MAP4K1: variants seen among roughly 807,000 people sequenced by gnomAD.
The protein encoded by MAP4K1 is mitogen-activated protein kinase kinase kinase kinase 1.
MAP4K1 carries 35 observed loss-of-function variants against 122.8 expected under a neutral mutation model. That is an observed-to-expected ratio of 0.29 (90% CI 0.22 to 0.38). The LOEUF (loss-of-function observed/expected upper bound fraction) is 0.38. Ranked by LOEUF, MAP4K1 falls within the 10% of genes least tolerant of loss-of-function variation. The pLI is 1.00. For synonymous variants in MAP4K1, 412 were observed against 421.3 expected (o/e 0.98, Z 0.27); for missense variants, 791 against 1,072.6 (o/e 0.74, Z 3.67).
chr19:38,611,809 T>C (rs550306425), intron 9 of MAP4K1, among the ~76,000 whole-genome samples: 1 of 150,526 alleles, frequency 6.6e-6, no homozygotes, highest in East Asian at 2.0e-4. Flanking sequence ...TTAATTAATT[T>C]AAAAAATGTC....
chr19:38,590,385 AAAAAAAAAAATATATATATATATATAT>A lies in MAP4K1; in HGVS notation c.2397-2595_2397-2569del, dbSNP rs1262688068. ...TGATCTTGGACCAGAAAAAAAAAAA[AAAAAAAAAAATATATATATATATATAT>A]ATATATATATATATATATATATATA... On this transcript the variant is annotated intron_variant, in intron 30 of 30. Coordinates refer to ENST00000396857, the MANE Select transcript of MAP4K1 (RefSeq NM_001042600.3). Among the ~76,000 whole-genome samples, 29 of 78,388 alleles carry A rather than the reference AAAAAAAAAAATATATATATATATATAT, an allele frequency of 3.7e-4. 5 individuals are homozygous for A. Among genetic ancestry groups the A allele is most frequent in the African/African-American group, 1.3e-3 (20 of 14,950 alleles). 51.4% of individuals were successfully genotyped at this position (78,388 alleles called of 152,430 possible).
At chr19:38,614,854 G>A (rs897466960) in intron 4 of MAP4K1, 6 of 175,310 alleles carry the variant, frequency 3.4e-5, no homozygotes, top group Middle Eastern at 2.7e-3. Context: ...CCCAGGAGGT[G>A]GAGGTTGCAA....
intron 22 of MAP4K1, among the ~76,000 whole-genome samples, chr19:38,599,347 CAAAA>C (rs35011527): frequency 5.1e-5 from 2 of 39,476 alleles, no homozygotes; most frequent in African/African-American, 1.6e-4. Context: ...GACTCGGTCT[CAAAA>C]AAAAAAAAAA....
intron 20 of MAP4K1, 48 bp from the exon 21 acceptor site, chr19:38,600,201 C>T: frequency 6.6e-7 from 1 of 1,513,070 alleles, no homozygotes; most frequent in East Asian, 2.3e-5. Context: ...CCTCAGGGAC[C>T]TCCCAGATCC....
intron 8 of MAP4K1, among the ~76,000 whole-genome samples, chr19:38,613,324 C>A (rs200205228): frequency 7.8e-6 from 1 of 129,010 alleles, no homozygotes; most frequent in Admixed American, 7.9e-5. Flanking sequence ...AAAAAAAGAA[C>A]GAAAAAGAAA....
Position 38,600,440 on chromosome 19 carries a change from A to C in MAP4K1, c.1532-287T>G, listed in dbSNP as rs112464560. On this transcript the variant is annotated intron_variant, in intron 20 of 30. Coordinates refer to ENST00000396857, the MANE Select transcript of MAP4K1 (RefSeq NM_001042600.3). Reference sequence around the variant, plus strand: ...ACCCCAACCTTAGACCTGTCCCCCAAAATAGTCCTCTGATTTCCTCCCCTC... The same window carrying C: ...ACCCCAACCTTAGACCTGTCCCCCACAATAGTCCTCTGATTTCCTCCCCTC... Among the ~76,000 whole-genome samples, 196 of 151,954 alleles carry C rather than the reference A, an allele frequency of 1.3e-3. 2 individuals carry two copies. Among genetic ancestry groups the C allele is most frequent in the South Asian group, 0.01 (49 of 4,796 alleles).
At chr19:38,590,373 G>GAAAAAA (rs1164261721) in intron 30 of MAP4K1, among the ~76,000 whole-genome samples, 2 of 18,018 alleles carry the variant, frequency 1.1e-4, no homozygotes, top group Admixed American at 1.1e-3. Context: ...TCTTGGACCA[G>GAAAAAA]AAAAAAAAAA....
At position 38,608,050 on chromosome 19, in the gene MAP4K1, G is replaced by C. The variant is rs1568636894; in HGVS notation, c.1066-17C>G. 6.3e-7 allele frequency: 1 copy of C among 1,587,268 alleles called. No individual in the cohort carries two copies. Among genetic ancestry groups the C allele is most frequent in the East Asian group, 2.2e-5 (1 of 44,578 alleles). On this transcript the variant is annotated splice_polypyrimidine_tract_variant and intron_variant, in intron 14 of 30. Transcript: ENST00000396857. The stretch of plus-strand genomic sequence containing the variant: ...TAGGCGAGCCTGTGGGGTAGGAAAA[G>C]GGTCAGCAGTGGCCTCAGGGAAGCA...
chr19:38,601,862 C>T (rs1164687990), intron 19 of MAP4K1, among the ~76,000 whole-genome samples: 1 of 152,056 alleles, frequency 6.6e-6, no homozygotes, highest in Non-Finnish European at 1.5e-5. Context: ...ACTACAACCT[C>T]TGCTTCCCAA....
At chr19:38,592,683 C>T (rs1038246034) in intron 30 of MAP4K1, among the ~76,000 whole-genome samples, 3 of 151,746 alleles carry the variant, frequency 2.0e-5, no homozygotes, top group South Asian at 4.2e-4. Context: ...TTTGGGAGGC[C>T]GAGGCAGGTG....
Position 38,611,041 on chromosome 19 carries a change from G to A in MAP4K1, c.810+10C>T, listed in dbSNP as rs769549530. The stretch of plus-strand genomic sequence containing the variant: ...TCCTAGGCTGAGGATCTTGGGGAAG[G>A]GAGGGTTACACTGAGCATCTTGGTG... On this transcript the variant is annotated intron_variant, in intron 11 of 30. Coordinates refer to ENST00000396857, the MANE Select transcript of MAP4K1 (RefSeq NM_001042600.3). The A allele has an allele frequency of 1.2e-6, 2 of 1,607,564 alleles. No homozygotes were observed. Among genetic ancestry groups the A allele is most frequent in the East Asian group, 2.2e-5 (1 of 44,790 alleles).
chr19:38,603,407 TATA>T (rs1975221815), intron 19 of MAP4K1, among the ~76,000 whole-genome samples: 1 of 148,950 alleles, frequency 6.7e-6, no homozygotes, highest in Non-Finnish European at 1.5e-5. Flanking sequence ...TGCATATACA[TATA>T]TATACACGTA....
chr19:38,598,678 G>A (rs1236535539), intron 22 of MAP4K1, among the ~76,000 whole-genome samples: 1 of 152,062 alleles, frequency 6.6e-6, no homozygotes, highest in Non-Finnish European at 1.5e-5. Context: ...AGTAAAGTAT[G>A]GAATAAGTTC....
At chr19:38,611,208 C>CCT in intron 10 of MAP4K1, 35 bp downstream of exon 10, 2 of 1,606,832 alleles carry the variant, frequency 1.2e-6, no homozygotes, top group Non-Finnish European at 1.7e-6. Flanking sequence ...CCAGCCCTGC[C>CCT]CTCTCTCACC....
intron 11 of MAP4K1, 22 bp downstream of exon 11, chr19:38,611,029 A>G (rs2287733): frequency 0.17 from 265,434 of 1,594,188 alleles, 28,155 homozygotes; most frequent in Admixed American, 0.38. Flanking sequence ...TAGGCTGAGG[A>G]TCTTGGGGAA....
intron 30 of MAP4K1, among the ~76,000 whole-genome samples, chr19:38,589,910 A>G (rs1272451772): frequency 6.6e-6 from 1 of 151,996 alleles, no homozygotes; most frequent in Non-Finnish European, 1.5e-5. Context: ...CGCGCCTGTC[A>G]TCCCAGCTAC....
At position 38,595,739 on chromosome 19, in the gene MAP4K1, G is replaced by C. The variant is rs1449627675; in HGVS notation, c.2180-10C>G. On this transcript the variant is annotated splice_polypyrimidine_tract_variant and intron_variant, in intron 27 of 30. Coordinates refer to ENST00000396857, the MANE Select transcript of MAP4K1 (RefSeq NM_001042600.3). ...ACCAGCTTCACAGAGCCTGGAAGGAGATAGACGGTTTTAAGAACTGTGAGC... is the reference window on the plus strand; with the variant it reads ...ACCAGCTTCACAGAGCCTGGAAGGACATAGACGGTTTTAAGAACTGTGAGC... 1 of 1,588,476 alleles carries C rather than the reference G, an allele frequency of 6.3e-7. No homozygotes were observed. The highest frequency in any genetic ancestry group is 1.4e-5 in the African/African-American group (1 of 73,884).
chr19:38,612,754 C>T lies in MAP4K1; in HGVS notation c.534-12G>A, dbSNP rs150103808. ...CTTCCGGAGCCATCCTGGGGGCAGA[C>T]ACGCTCAGAGAGCCAGAGGTGGCAT... is the stretch of plus-strand genomic sequence containing the variant. On this transcript the variant is annotated splice_polypyrimidine_tract_variant and intron_variant, in intron 8 of 30. Transcript: ENST00000396857. 1.5e-4 allele frequency: 248 copies of T among 1,612,022 alleles called. No homozygotes were observed. In the African/African-American group the frequency reaches 2.9e-3, roughly 19 times the overall value.
At position 38,590,373 on chromosome 19, in the gene MAP4K1, G is replaced by GAAAAAAAAAAAAAA. The variant is rs1164261721; in HGVS notation, c.2397-2570_2397-2557dup. Among the ~76,000 whole-genome samples the GAAAAAAAAAAAAAA allele has an allele frequency of 2.2e-4, 4 of 18,012 alleles. 1 individual carries two copies. The highest frequency in any genetic ancestry group is 8.5e-3 in the East Asian group (2 of 234). 11.8% of individuals were successfully genotyped at this position (18,012 alleles called of 152,430 possible). A position where few individuals can be genotyped will look rare whatever the true frequency, so the allele number is the denominator to read the frequency against. On this transcript the variant is annotated intron_variant, in intron 30 of 30. Coordinates refer to ENST00000396857, the MANE Select transcript of MAP4K1 (RefSeq NM_001042600.3). Reference sequence around the variant, plus strand: ...AAGTGCCACCTATGATCTTGGACCAGAAAAAAAAAAAAAAAAAAAAAATAT... The same window carrying GAAAAAAAAAAAAAA: ...AAGTGCCACCTATGATCTTGGACCAGAAAAAAAAAAAAAAAAAAAAAAAAAAAAAAAAAAAATAT...
Sources: allele counts gnomAD v4.1 joint callset (sites outside exome capture counted in the v4.1 genomes callset), GRCh38; gene constraint gnomAD v4.1.1; transcripts MANE v1.5; gene names NCBI Gene and HGNC (gene_info 2026-07-23, HGNC 2026-07-21).